MORC4: variants seen among roughly 807,000 people sequenced by gnomAD.
MORC4 encodes MORC family CW-type zinc finger 4.
MORC4 carries 22 observed loss-of-function variants against 65.5 expected under a neutral mutation model. The ratio of observed to expected loss-of-function variants is 0.34; its 90% CI spans 0.24 to 0.48. The LOEUF (loss-of-function observed/expected upper bound fraction) is 0.48, where lower values mean the gene tolerates loss of function less well. MORC4 is among the 20% of genes least tolerant of loss of function. The pLI is 0.99. For synonymous variants in MORC4, 267 were observed against 255.8 expected, an observed-to-expected ratio of 1.04 and a Z score of -0.42; for missense variants, 624 against 703.0, an observed-to-expected ratio of 0.89 and a Z score of 1.27.
At chrX:106,984,527 G>A (rs1934826540) in intron 5 of MORC4, among the ~76,000 whole-genome samples, 1 of 93,889 alleles carries the variant, frequency 1.1e-5, no homozygotes, top group South Asian at 5.4e-4. Flanking sequence ...GGAGTGCAGA[G>A]GCGCGATCTC....
chrX:106,944,988 T>A (rs779783484), intron 14 of MORC4, among the ~76,000 whole-genome samples: 6 of 111,715 alleles, frequency 5.4e-5, no homozygotes, highest in Non-Finnish European at 7.5e-5. Flanking sequence ...TATTTATTGC[T>A]CCCCACAACA....
rs748315596 is a variant in MORC4 at position 106,979,493 on chromosome X, G to C, written c.937-1294C>G. ...GTAGGAGACACCAAATTAGCATAAGGAGAGAGAACAAAGATGAAAGAAGTG... is the reference window on the plus strand; with the variant it reads ...GTAGGAGACACCAAATTAGCATAAGCAGAGAGAACAAAGATGAAAGAAGTG... On this transcript the variant is annotated intron_variant, in intron 7 of 16. Coordinates refer to ENST00000355610, the MANE Select transcript of MORC4 (RefSeq NM_024657.5). Among the ~76,000 whole-genome samples the C allele has an allele frequency of 5.4e-5, 6 of 111,076 alleles. No homozygotes were observed. In the South Asian group the frequency reaches 2.3e-3, roughly 42 times the overall value.
chrX:107,000,017 C>T lies in MORC4; in HGVS notation c.-48G>A. On this transcript the variant is annotated 5_prime_UTR_variant, in exon 1 of 17. Transcript: ENST00000355610. ...GTCTGCTGCCGCCGGACCCCTGGCC[C>T]GGCGGTCCGGGACTAGCCCTCGCTC... 1.6e-6 allele frequency: 1 copy of T among 611,283 alleles called. No individual in the cohort carries two copies. Among genetic ancestry groups the T allele is most frequent in the East Asian group, 7.3e-5 (1 of 13,694 alleles). 50.4% of individuals were successfully genotyped at this position (611,283 alleles called of 1,213,427 possible). A position where few individuals can be genotyped will look rare whatever the true frequency, so the allele number is the denominator to read the frequency against.
chrX:106,973,058 C>A (rs760610778), intron 9 of MORC4, among the ~76,000 whole-genome samples: 1 of 112,626 alleles, frequency 8.9e-6, no homozygotes, highest in African/African-American at 3.2e-5. Context: ...GCTGCCAACA[C>A]ATGCTACCCT....
At chrX:106,948,841 TTC>T (rs1933908707) in intron 14 of MORC4, among the ~76,000 whole-genome samples, 1 of 111,577 alleles carries the variant, frequency 9.0e-6, no homozygotes, top group Admixed American at 9.5e-5. Context: ...ATGAATCATT[TTC>T]TCTTTGCTTT....
chrX:106,968,073 C>G (rs1040152189), intron 9 of MORC4, among the ~76,000 whole-genome samples: 1 of 111,718 alleles, frequency 9.0e-6, no homozygotes, highest in Non-Finnish European at 1.9e-5. Flanking sequence ...AGAGAAAGGG[C>G]GGGATACCCA....
chrX:106,978,000 G>C, intron 8 of MORC4, 80 bp downstream of exon 8: 2 of 1,052,802 alleles, frequency 1.9e-6, no homozygotes, highest in Admixed American at 4.9e-5. Flanking sequence ...AGCCATTAAT[G>C]AGCCTATCCC....
At chrX:106,969,855 A>G (rs1171510117) in intron 9 of MORC4, among the ~76,000 whole-genome samples, 1 of 111,913 alleles carries the variant, frequency 8.9e-6, no homozygotes, top group Non-Finnish European at 1.9e-5. Flanking sequence ...AACCAAAAAA[A>G]GTCCAGGACC....
intron 4 of MORC4, 91 bp downstream of exon 4, chrX:106,985,892 G>C: frequency 2.8e-6 from 2 of 710,051 alleles, no homozygotes; most frequent in South Asian, 6.1e-5. Flanking sequence ...TAAAACTTCT[G>C]ACAGTTGGAT....
At chrX:106,972,799 G>A (rs569244418) in intron 9 of MORC4, among the ~76,000 whole-genome samples, 36 of 112,311 alleles carry the variant, frequency 3.2e-4, no homozygotes, top group African/African-American at 1.1e-3. Flanking sequence ...TTAGCCGGGC[G>A]TGGTGGCGCA....
chrX:106,961,907 C>T (rs1934254110), intron 10 of MORC4, 105 bp downstream of exon 10: 4 of 641,714 alleles, frequency 6.2e-6, no homozygotes, highest in Non-Finnish European at 9.7e-6. Flanking sequence ...AGTGACACCA[C>T]GAACCCACCA....
In MORC4 at chrX:106,941,501, T is replaced by G. The variant is rs755404195; in HGVS notation, c.2792A>C (p.Glu931Ala). 3 of 1,208,448 alleles carry G rather than the reference T, an allele frequency of 2.5e-6. No individual in the cohort carries two copies. The highest frequency in any genetic ancestry group is 3.4e-6 in the Non-Finnish European group (3 of 893,770). Residue 931 changes from glutamate (E) to alanine (A), a missense_variant, in exon 17 of 17, where the codon GAG becomes GCG. Physicochemically the swap from Glu to Ala is moderately radical, Grantham distance 107. Coordinates refer to ENST00000355610, the MANE Select transcript of MORC4 (RefSeq NM_024657.5). ...TGCTCAATCCAGTATGTGATTTGCC[T>G]CCAGCACCGTGTACAGGATCCCATC... ...QVDGILYTVL[E>A]ANHILD is the part of the protein sequence containing the mutation.
intron 5 of MORC4, among the ~76,000 whole-genome samples, chrX:106,983,151 G>A (rs910734841): frequency 8.9e-6 from 1 of 112,085 alleles, no homozygotes; most frequent in African/African-American, 3.2e-5. Flanking sequence ...TCCGATTTTA[G>A]ATTTTTGGAT....
chrX:106,983,712 CTT>C (rs201198417), intron 5 of MORC4, among the ~76,000 whole-genome samples: 2 of 98,567 alleles, frequency 2.0e-5, no homozygotes, highest in Non-Finnish European at 2.1e-5. Context: ...TTTTCTACTT[CTT>C]TTTTTTTTTT....
chrX:106,999,575 C>G (rs1035377123), intron 2 of MORC4, 102 bp downstream of exon 2: 5 of 814,034 alleles, frequency 6.1e-6, no homozygotes, highest in Non-Finnish European at 6.5e-6. Flanking sequence ...ACCCCAGCCC[C>G]GGCCCGCCCC....
chrX:106,990,311 C>T (rs1934956487), intron 3 of MORC4, among the ~76,000 whole-genome samples: 1 of 110,204 alleles, frequency 9.1e-6, no homozygotes, highest in Non-Finnish European at 1.9e-5. Flanking sequence ...AGCTGGATTA[C>T]AATGGCACAA....
At chrX:106,962,948 C>A (rs887699012) in intron 9 of MORC4, among the ~76,000 whole-genome samples, 6 of 111,367 alleles carry the variant, frequency 5.4e-5, no homozygotes, top group African/African-American at 2.0e-4. Flanking sequence ...TGGATCATTC[C>A]CCAAGGTTTT....
chrX:106,998,348 GGTAAT>G (rs1476308457), intron 2 of MORC4, among the ~76,000 whole-genome samples: 1 of 112,000 alleles, frequency 8.9e-6, no homozygotes, highest in African/African-American at 3.2e-5. Context: ...GGTTCTTTAA[GGTAAT>G]GCTTATGGCC....
At chrX:106,973,930 C>A (rs374024952) in intron 9 of MORC4, among the ~76,000 whole-genome samples, 1 of 111,944 alleles carries the variant, frequency 8.9e-6, no homozygotes, top group East Asian at 2.8e-4. Context: ...ACCTACAGCA[C>A]GCTACGACAG....
Sources: allele counts gnomAD v4.1 joint callset (sites outside exome capture counted in the v4.1 genomes callset), GRCh38; gene constraint gnomAD v4.1.1; transcripts MANE v1.5; gene names NCBI Gene and HGNC (gene_info 2026-07-23, HGNC 2026-07-21).